NPAS3: variants seen among roughly 807,000 people sequenced by gnomAD.
NPAS3 encodes neuronal PAS domain-containing protein 3.
A neutral mutation model predicts 73.1 loss-of-function variants in NPAS3; 14 were observed. The ratio of observed to expected loss-of-function variants is 0.19; its 90% confidence interval spans 0.13 to 0.30. The LOEUF (loss-of-function observed/expected upper bound fraction) is 0.30. NPAS3 is among the 10% of genes least tolerant of loss of function. NPAS3 has a pLI of 1.00. For synonymous variants in NPAS3, 620 were observed against 541.5 expected, an observed-to-expected ratio of 1.14 and a Z score of -2.01; for missense variants, 1,096 against 1,250.0, an observed-to-expected ratio of 0.88 and a Z score of 1.86.
At chr14:33,794,508 A>G (rs1250056995) in intron 10 of NPAS3, among the ~76,000 whole-genome samples, 1 of 152,148 alleles carries the variant, frequency 6.6e-6, no homozygotes, top group African/African-American at 2.4e-5. Context: ...TGATGCCCTT[A>G]GCATATTACA....
intron 4 of NPAS3, among the ~76,000 whole-genome samples, chr14:33,531,151 A>C (rs2054025115): frequency 6.6e-6 from 1 of 152,102 alleles, no homozygotes; most frequent in Non-Finnish European, 1.5e-5. Flanking sequence ...TAGGTACCAG[A>C]ACTCATACAG....
intron 4 of NPAS3, among the ~76,000 whole-genome samples, chr14:33,413,056 A>G (rs1044480665): frequency 2.0e-4 from 31 of 152,202 alleles, no homozygotes; most frequent in African/African-American, 7.0e-4. Context: ...AGGAAATACC[A>G]GTATGAAAGC....
intron 3 of NPAS3, among the ~76,000 whole-genome samples, chr14:33,321,419 C>CATAT (rs1707957579): frequency 6.6e-6 from 1 of 151,944 alleles, no homozygotes; most frequent in Non-Finnish European, 1.5e-5. Flanking sequence ...CTGGGTAAGG[C>CATAT]ATATCTCTAT....
intron 4 of NPAS3, among the ~76,000 whole-genome samples, chr14:33,374,307 A>C (rs1200008287): frequency 6.6e-6 from 1 of 152,152 alleles, no homozygotes; most frequent in Admixed American, 6.6e-5. Flanking sequence ...GATCAGATTT[A>C]GAAGAAAGTC....
chr14:33,196,299 A>AT (rs1253600147), intron 2 of NPAS3, among the ~76,000 whole-genome samples: 1 of 152,146 alleles, frequency 6.6e-6, no homozygotes, highest in African/African-American at 2.4e-5. Context: ...TTATACATAC[A>AT]TTAGTTGCAT....
At chr14:33,664,020 G>A (rs148224997) in intron 5 of NPAS3, among the ~76,000 whole-genome samples, 1,747 of 151,288 alleles carry the variant, frequency 0.012, 29 homozygotes, top group Non-Finnish European at 0.013. Context: ...TTTTGAAGGG[G>A]TTTTCGTGTC....
intron 5 of NPAS3, among the ~76,000 whole-genome samples, chr14:33,573,850 GA>G: frequency 6.6e-6 from 1 of 152,286 alleles, no homozygotes; most frequent in South Asian, 2.1e-4. Context: ...AAATAGTCCA[GA>G]AAAGAGGTGA....
chr14:33,094,468 A>ATTTT (rs373938530), intron 2 of NPAS3, among the ~76,000 whole-genome samples: 2 of 141,974 alleles, frequency 1.4e-5, no homozygotes, highest in African/African-American at 2.6e-5. Context: ...ATGATAAAGG[A>ATTTT]TTTTTTTTTT....
At chr14:33,280,697 G>A (rs2041563965) in intron 3 of NPAS3, among the ~76,000 whole-genome samples, 1 of 152,128 alleles carries the variant, frequency 6.6e-6, no homozygotes. Flanking sequence ...AAGGAAGAAG[G>A]GGAAAAAACA....
Position 32,998,574 on chromosome 14 carries a change from C to G in NPAS3, c.51-57331C>G, listed in dbSNP as rs548759427. On this transcript the variant is annotated intron_variant, in intron 1 of 11. Coordinates refer to ENST00000356141, the Ensembl canonical transcript of NPAS3. ...ATTCAACAAACTTTCACTGGCTCCC[C>G]CTTGTGTACAGAATGAGGCTCCAGT... is the stretch of plus-strand genomic sequence containing the variant. 8.6e-4 allele frequency among the ~76,000 whole-genome samples: 131 copies of G among 152,286 alleles called. 1 individual carries two copies. The highest frequency in any genetic ancestry group is 3.0e-3 in the African/African-American group (125 of 41,552).
At chr14:33,360,081 C>T (rs1341547763) in intron 3 of NPAS3, among the ~76,000 whole-genome samples, 1 of 152,230 alleles carries the variant, frequency 6.6e-6, no homozygotes, top group Non-Finnish European at 1.5e-5. Flanking sequence ...TCCGCTGACA[C>T]ACAGGCCTGC....
At chr14:33,201,435 C>T (rs1467005251) in intron 2 of NPAS3, among the ~76,000 whole-genome samples, 1 of 152,048 alleles carries the variant, frequency 6.6e-6, no homozygotes, top group South Asian at 2.1e-4. Context: ...GAATCACTGC[C>T]GTTTTCAGAA....
Position 33,281,489 on chromosome 14 carries a change from G to T in NPAS3, c.385+66063G>T, listed in dbSNP as rs576369652. Among the ~76,000 whole-genome samples, 4 of 151,990 alleles carry T rather than the reference G, an allele frequency of 2.6e-5. No homozygotes were observed. In the South Asian group the frequency reaches 8.3e-4, roughly 32 times the overall value. On this transcript the variant is annotated intron_variant, in intron 3 of 11. Coordinates refer to ENST00000356141, the Ensembl canonical transcript of NPAS3. ...TCTACTAAAAATACAAAAATTAGCCGGGCGTGGTGGTGCATGTCTGTAGTC... is the reference window on the plus strand; with the variant it reads ...TCTACTAAAAATACAAAAATTAGCCTGGCGTGGTGGTGCATGTCTGTAGTC...
intron 4 of NPAS3, among the ~76,000 whole-genome samples, chr14:33,458,134 G>T (rs890795324): frequency 6.6e-6 from 1 of 152,154 alleles, no homozygotes. Context: ...AATTACTTCA[G>T]TTTGCTCAAG....
chr14:33,346,954 A>G (rs2044767507), intron 3 of NPAS3, among the ~76,000 whole-genome samples: 1 of 152,178 alleles, frequency 6.6e-6, no homozygotes, highest in African/African-American at 2.4e-5. Context: ...CCTCCAGGCC[A>G]CAAGTACCCA....
intron 2 of NPAS3, among the ~76,000 whole-genome samples, chr14:33,211,318 C>T (rs183475821): frequency 1.5e-4 from 23 of 152,286 alleles, no homozygotes; most frequent in East Asian, 7.7e-4. Context: ...TGGTGGCTCA[C>T]GTCAGTAATT....
At chr14:33,244,153 C>A (rs1445510595) in intron 3 of NPAS3, among the ~76,000 whole-genome samples, 1 of 149,204 alleles carries the variant, frequency 6.7e-6, no homozygotes, top group African/African-American at 2.5e-5. Flanking sequence ...AAAAAAAAAA[C>A]TATGCACCAA....
chr14:33,159,615 G>T (rs532093785), intron 2 of NPAS3, among the ~76,000 whole-genome samples: 1 of 147,598 alleles, frequency 6.8e-6, no homozygotes, highest in Non-Finnish European at 1.5e-5. Context: ...GTGCAGTGGC[G>T]CAATCTTGGC....
chr14:33,531,862 A>G (rs895718070), intron 4 of NPAS3, among the ~76,000 whole-genome samples: 6 of 152,096 alleles, frequency 3.9e-5, no homozygotes, highest in African/African-American at 1.4e-4. Context: ...AATCTTAGCC[A>G]TTCTGATAGG....
Sources: gnomAD v4.1 joint callset for allele counts (sites outside exome capture counted in the v4.1 genomes callset) on GRCh38, gnomAD v4.1.1 for gene constraint, MANE v1.5 for transcripts, NCBI Gene and HGNC (gene_info 2026-07-23, HGNC 2026-07-21) for gene names.